Variants in RTL4 observed in about 807,000 individuals in gnomAD.
RTL4 encodes the protein retrotransposon Gag like 4, also known as retrotransposon Gag-like protein 4.
RTL4 carries 4 observed loss-of-function variants against 5.3 expected under a neutral mutation model. That is an observed-to-expected ratio of 0.75 (90% CI 0.37 to 1.72). RTL4 has a LOEUF of 1.72. Among genes scored for constraint, RTL4 ranks in the 40% most tolerant of loss-of-function variants. RTL4 has a pLI of 0.04. For synonymous variants in RTL4, 98 were observed against 87.3 expected, an observed-to-expected ratio of 1.12 and a Z score of -0.68; for missense variants, 260 against 227.1, an observed-to-expected ratio of 1.14 and a Z score of -0.93.
the RTL4 span, among the ~76,000 whole-genome samples, chrX:112,393,356 C>T: frequency 1.8e-5 from 2 of 109,436 alleles, no homozygotes; most frequent in African/African-American, 6.7e-5. Flanking sequence ...GCTGGGGTAC[C>T]GCTTCTGCCC....
At chrX:112,207,663 A>T in the RTL4 span, among the ~76,000 whole-genome samples, 2 of 107,406 alleles carry the variant, frequency 1.9e-5, no homozygotes, top group Admixed American at 2.0e-4. Flanking sequence ...TTCAAATTAA[A>T]TCTTCTGTGG....
At chrX:112,320,999 G>GGT in the RTL4 span, among the ~76,000 whole-genome samples, 1 of 111,145 alleles carries the variant, frequency 9.0e-6, no homozygotes, top group African/African-American at 3.3e-5. Flanking sequence ...GAAGACTGAA[G>GGT]GTAGCTATCA....
the RTL4 span, among the ~76,000 whole-genome samples, chrX:112,318,784 A>T: frequency 9.0e-6 from 1 of 111,227 alleles, no homozygotes. Flanking sequence ...TGCTCTTTAT[A>T]AAAAGCTTGA....
chrX:112,404,096 AAGTGT>A, the RTL4 span, among the ~76,000 whole-genome samples: 43 of 111,257 alleles, frequency 3.9e-4, 2 homozygotes, highest in East Asian at 8.5e-3. Context: ...CACTGAGGCC[AAGTGT>A]AGTTGCCATT....
the RTL4 span, among the ~76,000 whole-genome samples, chrX:112,195,218 T>C: frequency 8.9e-6 from 1 of 111,751 alleles, no homozygotes; most frequent in Non-Finnish European, 1.9e-5. Flanking sequence ...AGAGTTGACA[T>C]GGTGACTATC....
At chrX:112,351,062 C>T in the RTL4 span, among the ~76,000 whole-genome samples, 38,706 of 109,846 alleles carry the variant, frequency 0.35, 6,978 homozygotes, top group African/African-American at 0.7. Flanking sequence ...TTCTGGTATG[C>T]TGTGTCTTTG....
At chrX:112,125,113 T>A in the RTL4 span, among the ~76,000 whole-genome samples, 1 of 106,697 alleles carries the variant, frequency 9.4e-6, no homozygotes, top group Non-Finnish European at 1.9e-5. Flanking sequence ...ACCATATTGG[T>A]CAGGCTGGTC....
the RTL4 span, among the ~76,000 whole-genome samples, chrX:112,327,799 G>A: frequency 8.9e-6 from 1 of 111,813 alleles, no homozygotes; most frequent in Non-Finnish European, 1.9e-5. Flanking sequence ...CAGACTAACA[G>A]CAAATCTCTT....
At chrX:112,084,186 T>G in the RTL4 span, among the ~76,000 whole-genome samples, 2 of 111,099 alleles carry the variant, frequency 1.8e-5, no homozygotes, top group African/African-American at 6.6e-5. Flanking sequence ...CCTGTGAAGC[T>G]GGTAGTAGCT....
At chrX:112,370,006 G>T in the RTL4 span, among the ~76,000 whole-genome samples, 4 of 112,053 alleles carry the variant, frequency 3.6e-5, no homozygotes, top group African/African-American at 1.3e-4. Context: ...GTTGTATTGG[G>T]AGTTTAGTTT....
At chrX:112,262,401 C>T in the RTL4 span, among the ~76,000 whole-genome samples, 2 of 112,217 alleles carry the variant, frequency 1.8e-5, no homozygotes, top group Non-Finnish European at 3.8e-5. Context: ...ACAGACACTT[C>T]TCAAAAGAAG....
chrX:112,102,517 G>A, the RTL4 span, among the ~76,000 whole-genome samples: 1 of 111,543 alleles, frequency 9.0e-6, no homozygotes, highest in Non-Finnish European at 1.9e-5. Context: ...AATTCCATAG[G>A]TGAGTTATTT....
the RTL4 span, among the ~76,000 whole-genome samples, chrX:112,322,797 CT>C: frequency 9.0e-6 from 1 of 111,467 alleles, no homozygotes; most frequent in Non-Finnish European, 1.9e-5. Context: ...ACTATGCATA[CT>C]TTTTTTGTAT....
the RTL4 span, among the ~76,000 whole-genome samples, chrX:112,404,334 G>A: frequency 8.0e-5 from 9 of 112,109 alleles, no homozygotes; most frequent in Non-Finnish European, 1.5e-4. Flanking sequence ...TAAAAGAGCC[G>A]AGTGTTTTAT....
chrX:112,246,156 T>G, the RTL4 span, among the ~76,000 whole-genome samples: 1 of 112,031 alleles, frequency 8.9e-6, no homozygotes, highest in Admixed American at 9.4e-5. Flanking sequence ...TGTCTCCCAG[T>G]TAGGGCACAC....
chrX:112,161,844 C>CTTTCTTTCTTTCTTTTT, the RTL4 span, among the ~76,000 whole-genome samples: 1 of 40,077 alleles, frequency 2.5e-5, no homozygotes, highest in Non-Finnish European at 4.3e-5. Flanking sequence ...TTCCTTCCTT[C>CTTTCTTTCTTTCTTTTT]CTTTCTTTCT....
chrX:112,090,289 G>T, the RTL4 span, among the ~76,000 whole-genome samples: 1 of 110,734 alleles, frequency 9.0e-6, no homozygotes, highest in South Asian at 3.7e-4. Context: ...ATGTTAAATA[G>T]GAGGAAAAAT....
the RTL4 span, among the ~76,000 whole-genome samples, chrX:112,231,952 T>G: frequency 8.9e-6 from 1 of 111,961 alleles, no homozygotes; most frequent in African/African-American, 3.3e-5. Flanking sequence ...TATGTTCCAC[T>G]GCTTCCATAA....
At chrX:112,154,527 T>C in the RTL4 span, among the ~76,000 whole-genome samples, 2 of 112,405 alleles carry the variant, frequency 1.8e-5, no homozygotes, top group African/African-American at 6.5e-5. Context: ...ATTTGATGAC[T>C]TTCCTGGACT....
Sources: allele counts gnomAD v4.1 joint callset (sites outside exome capture counted in the v4.1 genomes callset), GRCh38; gene constraint gnomAD v4.1.1; transcripts MANE v1.5; gene names NCBI Gene and HGNC (gene_info 2026-07-23, HGNC 2026-07-21).